Variants in CDH13 observed in about 807,000 individuals in gnomAD.
CDH13 encodes cadherin 13.
Under a neutral mutation model 63.8 loss-of-function variants are expected in CDH13, and 24 were observed. The observed-to-expected ratio is 0.38, with a 90% confidence interval of 0.27 to 0.53. The LOEUF is 0.53. Ranked by LOEUF, CDH13 falls within the 20% of genes least tolerant of loss-of-function variation. CDH13 has a pLI of 0.85. For missense variants in CDH13, 1,049 were observed against 903.1 expected (o/e 1.16, Z -2.07); for synonymous variants, 503 against 355.3 (o/e 1.42, Z -4.67).
chr16:83,256,887 T>G (rs148668765), intron 5 of CDH13, among the ~76,000 whole-genome samples: 1,892 of 151,096 alleles, frequency 0.013, 21 homozygotes, highest in Non-Finnish European at 0.021. Context: ...AGGCCCCTGT[T>G]AGACTTCATG....
intron 5 of CDH13, among the ~76,000 whole-genome samples, chr16:83,276,602 G>A (rs545782394): frequency 6.6e-6 from 1 of 152,222 alleles, no homozygotes; most frequent in African/African-American, 2.4e-5. Flanking sequence ...CAGGCGTGGT[G>A]GCTCGCGCCT....
chr16:82,696,477 T>G (rs2030304841), intron 1 of CDH13, among the ~76,000 whole-genome samples: 1 of 152,338 alleles, frequency 6.6e-6, no homozygotes, highest in Middle Eastern at 3.4e-3. Context: ...CATGGCAACA[T>G]GAATGACAGC....
chr16:82,861,733 C>G (rs547704728), intron 2 of CDH13, among the ~76,000 whole-genome samples: 15 of 152,332 alleles, frequency 9.8e-5, no homozygotes, highest in Middle Eastern at 3.4e-3. Flanking sequence ...ATCTGAATCA[C>G]TCTTTATTCT....
chr16:83,473,392 C>T (rs559640700), intron 6 of CDH13, among the ~76,000 whole-genome samples: 7 of 152,312 alleles, frequency 4.6e-5, no homozygotes, highest in African/African-American at 9.6e-5. Flanking sequence ...CCGTTGAACA[C>T]GGAGTCTGAA....
chr16:82,845,441 A>C (rs1341845903), intron 1 of CDH13, among the ~76,000 whole-genome samples: 2 of 152,246 alleles, frequency 1.3e-5, no homozygotes, highest in Non-Finnish European at 2.9e-5. Flanking sequence ...TGACTTCTTT[A>C]GAAACTCATC....
At chr16:83,375,542 G>T (rs1437986380) in intron 6 of CDH13, among the ~76,000 whole-genome samples, 1 of 152,322 alleles carries the variant, frequency 6.6e-6, no homozygotes, top group Non-Finnish European at 1.5e-5. Context: ...CTTTAATGGA[G>T]CTGAGGGTGG....
In CDH13 at chr16:83,033,321, A is replaced by G. The variant is rs548680639; in HGVS notation, c.366+1103A>G. 4.0e-5 allele frequency among the ~76,000 whole-genome samples: 6 copies of G among 151,866 alleles called. No individual in the cohort carries two copies. In the East Asian group the frequency reaches 1.2e-3, roughly 30 times the overall value. On this transcript the variant is annotated intron_variant, in intron 3 of 13. Coordinates refer to ENST00000567109, the MANE Select transcript of CDH13 (RefSeq NM_001257.5). ...ACGGTTCTGTATATATATACGGTGT[A>G]TATGTATGTCTATATGTATACATTT...
intron 6 of CDH13, among the ~76,000 whole-genome samples, chr16:83,447,450 G>A (rs1289553591): frequency 6.6e-6 from 1 of 152,090 alleles, no homozygotes; most frequent in Non-Finnish European, 1.5e-5. Flanking sequence ...GATGGATGAA[G>A]CAGATGAGTT....
intron 1 of CDH13, among the ~76,000 whole-genome samples, chr16:82,720,638 C>A (rs868197442): frequency 2.0e-5 from 3 of 151,686 alleles, no homozygotes; most frequent in Non-Finnish European, 4.4e-5. Context: ...GGAGAATGTA[C>A]AAACTCCACA....
intron 8 of CDH13, among the ~76,000 whole-genome samples, chr16:83,620,656 A>G (rs1426793640): frequency 1.3e-5 from 2 of 152,106 alleles, no homozygotes; most frequent in African/African-American, 4.8e-5. Flanking sequence ...CTCACCTAAT[A>G]CTTGCACCGT....
At chr16:83,097,435 G>C (rs376865301) in intron 3 of CDH13, among the ~76,000 whole-genome samples, 1 of 152,178 alleles carries the variant, frequency 6.6e-6, no homozygotes, top group African/African-American at 2.4e-5. Flanking sequence ...AATTGGTAAA[G>C]TCACAGAATC....
At chr16:83,320,158 A>T (rs2090189615) in intron 5 of CDH13, among the ~76,000 whole-genome samples, 1 of 151,460 alleles carries the variant, frequency 6.6e-6, no homozygotes, top group Non-Finnish European at 1.5e-5. Context: ...TTGCATCTCA[A>T]CCTCACGAGT....
intron 2 of CDH13, among the ~76,000 whole-genome samples, chr16:82,866,551 G>T (rs528243481): frequency 6.6e-6 from 1 of 151,644 alleles, no homozygotes; most frequent in Admixed American, 6.6e-5. Context: ...ACCATGCCTG[G>T]CTAATTTTTT....
chr16:83,356,212 ATGTGTG>A (rs10525181), intron 6 of CDH13, among the ~76,000 whole-genome samples: 8,581 of 138,054 alleles, frequency 0.062, 336 homozygotes, highest in African/African-American at 0.096. Context: ...ATTTATTTTC[ATGTGTG>A]TGTGTGTGTG....
intron 4 of CDH13, among the ~76,000 whole-genome samples, chr16:83,170,914 GT>G (rs144668897): frequency 0.16 from 24,415 of 151,910 alleles, 2,076 homozygotes; most frequent in South Asian, 0.19. Flanking sequence ...AATTGACAAA[GT>G]TTTGCCTTGG....
intron 5 of CDH13, among the ~76,000 whole-genome samples, chr16:83,272,149 G>A (rs1193035780): frequency 2.0e-5 from 3 of 152,098 alleles, no homozygotes; most frequent in Non-Finnish European, 4.4e-5. Flanking sequence ...TCACCACTGG[G>A]GATGCAATGG....
At chr16:83,462,587 T>A (rs1379312355) in intron 6 of CDH13, among the ~76,000 whole-genome samples, 1 of 151,992 alleles carries the variant, frequency 6.6e-6, no homozygotes, top group Non-Finnish European at 1.5e-5. Context: ...CCCATCTCTA[T>A]TAAAAATACA....
chr16:82,628,674 G>A (rs1165411273), intron 1 of CDH13, among the ~76,000 whole-genome samples: 1 of 152,118 alleles, frequency 6.6e-6, no homozygotes, highest in African/African-American at 2.4e-5. Context: ...GGTCCCTACA[G>A]CCTTGAGTCT....
chr16:83,570,946 CATATATATAT>C (rs57586630), intron 7 of CDH13, among the ~76,000 whole-genome samples: 2 of 110,060 alleles, frequency 1.8e-5, no homozygotes, highest in South Asian at 3.0e-4. Flanking sequence ...ATAACTCATC[CATATATATAT>C]ATATATATAT....
Sources: allele counts gnomAD v4.1 joint callset (sites outside exome capture counted in the v4.1 genomes callset), GRCh38; gene constraint gnomAD v4.1.1; transcripts MANE v1.5; gene names NCBI Gene and HGNC (gene_info 2026-07-23, HGNC 2026-07-21).